Variants in SSBP3 observed in about 807,000 individuals in gnomAD.
The protein encoded by SSBP3 is single stranded DNA binding protein 3.
Under a neutral mutation model 69.6 loss-of-function variants are expected in SSBP3, and 5 were observed. The ratio of observed to expected loss-of-function variants is 0.07; its 90% CI spans 0.04 to 0.15. SSBP3 has a LOEUF of 0.15. Ranked by LOEUF, SSBP3 falls within the 10% of genes least tolerant of loss-of-function variation. The pLI is 1.00. For synonymous variants in SSBP3, 196 were observed against 193.4 expected (o/e 1.01, Z -0.11); for missense variants, 312 against 534.0 (o/e 0.58, Z 4.10).
intron 9 of SSBP3, among the ~76,000 whole-genome samples, chr1:54,248,434 C>T (rs1411655051): frequency 6.6e-6 from 1 of 152,226 alleles, no homozygotes; most frequent in Non-Finnish European, 1.5e-5. Context: ...CCATCACTTG[C>T]TGCCCGTTTT....
chr1:54,278,772 T>A (rs956172287), intron 5 of SSBP3, among the ~76,000 whole-genome samples: 43 of 152,250 alleles, frequency 2.8e-4, no homozygotes, highest in Non-Finnish European at 1.0e-4. Flanking sequence ...GCAGCAGAGC[T>A]TCCTACCCAG....
intron 4 of SSBP3, among the ~76,000 whole-genome samples, chr1:54,368,985 C>T (rs1647075319): frequency 6.6e-6 from 1 of 152,170 alleles, no homozygotes; most frequent in South Asian, 2.1e-4. Context: ...GGTGGGAAAC[C>T]CAGTGAGCAG....
intron 14 of SSBP3, among the ~76,000 whole-genome samples, chr1:54,234,653 A>G (rs960687530): frequency 6.6e-6 from 1 of 152,308 alleles, no homozygotes; most frequent in Admixed American, 6.5e-5. Flanking sequence ...AATAAAAAAT[A>G]ACAATGTTTC....
chr1:54,308,313 C>T (rs564754840), intron 4 of SSBP3, among the ~76,000 whole-genome samples: 6 of 152,074 alleles, frequency 3.9e-5, no homozygotes, highest in African/African-American at 7.2e-5. Context: ...AAAAATTAGC[C>T]GGGCGTGGCC....
chr1:54,366,447 T>C (rs1215023763), intron 4 of SSBP3, among the ~76,000 whole-genome samples: 2 of 152,220 alleles, frequency 1.3e-5, no homozygotes, highest in Non-Finnish European at 2.9e-5. Context: ...GATAAGCAAC[T>C]TACCCAAAGT....
intron 9 of SSBP3, among the ~76,000 whole-genome samples, chr1:54,244,821 C>T (rs1644705464): frequency 6.6e-6 from 1 of 152,156 alleles, no homozygotes; most frequent in Non-Finnish European, 1.5e-5. Context: ...CCTGACCCCA[C>T]CCCTTCGGGC....
chr1:54,293,130 C>A (rs1297089107), intron 4 of SSBP3, among the ~76,000 whole-genome samples: 1 of 152,144 alleles, frequency 6.6e-6, no homozygotes, highest in Non-Finnish European at 1.5e-5. Flanking sequence ...AGCTAAAGGG[C>A]AAGGCGGGGC....
chr1:54,406,816 C>T (rs1649811196), upstream of SSBP3, among the ~76,000 whole-genome samples: 1 of 151,720 alleles, frequency 6.6e-6, no homozygotes, highest in Admixed American at 6.5e-5. Flanking sequence ...CCCTCCCGCC[C>T]CGTCCCTCTC....
chr1:54,329,443 G>A (rs1397115396), intron 4 of SSBP3, among the ~76,000 whole-genome samples: 1 of 152,204 alleles, frequency 6.6e-6, no homozygotes, highest in Non-Finnish European at 1.5e-5. Flanking sequence ...TACTGCATGT[G>A]ACAGTCCCAG....
At chr1:54,273,266 C>G (rs2100830639) in intron 5 of SSBP3, among the ~76,000 whole-genome samples, 1 of 152,360 alleles carries the variant, frequency 6.6e-6, no homozygotes, top group South Asian at 2.1e-4. Context: ...TCACGTTTTT[C>G]AGAGGGGGAG....
At chr1:54,281,204 C>A (rs997644871) in intron 5 of SSBP3, among the ~76,000 whole-genome samples, 4 of 152,208 alleles carry the variant, frequency 2.6e-5, no homozygotes, top group African/African-American at 9.7e-5. Flanking sequence ...AAAGCAAACT[C>A]CAGCAGAAGT....
At chr1:54,249,432 C>T (rs574700259) in intron 9 of SSBP3, among the ~76,000 whole-genome samples, 6 of 152,292 alleles carry the variant, frequency 3.9e-5, no homozygotes, top group South Asian at 2.1e-4. Context: ...CGGTGGCTCA[C>T]GCCTATAATC....
chr1:54,228,567 C>A lies in SSBP3; in HGVS notation c.1007-90G>T, dbSNP rs553659274. ...TCCTGGGCTCCTCGGGCCTCTAAGC[C>A]CTTCCATCCCAGTCCCACACTGTGC... On this transcript the variant is annotated intron_variant, in intron 15 of 17. Coordinates refer to ENST00000610401, the Ensembl canonical transcript of SSBP3. 1.7e-5 allele frequency: 27 copies of A among 1,570,582 alleles called. 1 individual carries two copies. In the South Asian group the frequency reaches 3.0e-4, roughly 17 times the overall value.
intron 4 of SSBP3, among the ~76,000 whole-genome samples, chr1:54,313,405 G>C (rs908188729): frequency 5.3e-5 from 8 of 151,184 alleles, no homozygotes; most frequent in African/African-American, 1.9e-4. Context: ...CAGGAACTAG[G>C]GGGGCTCACA....
At chr1:54,343,451 G>C (rs528680466) in intron 4 of SSBP3, among the ~76,000 whole-genome samples, 2 of 152,140 alleles carry the variant, frequency 1.3e-5, no homozygotes, top group Non-Finnish European at 2.9e-5. Flanking sequence ...CAAACCACAC[G>C]GTGACTATCA....
chr1:54,311,989 C>T (rs868172665), intron 4 of SSBP3, among the ~76,000 whole-genome samples: 21 of 152,274 alleles, frequency 1.4e-4, no homozygotes, highest in Middle Eastern at 3.4e-3. Context: ...CAGCATCCAC[C>T]GGCTGATTTG....
chr1:54,349,068 T>C (rs1351018390), intron 4 of SSBP3, among the ~76,000 whole-genome samples: 2 of 152,208 alleles, frequency 1.3e-5, no homozygotes, highest in African/African-American at 2.4e-5. Flanking sequence ...TCTGCAAAGA[T>C]AAGATGACAA....
chr1:54,386,568 C>G (rs1390004620), intron 4 of SSBP3, among the ~76,000 whole-genome samples: 1 of 152,122 alleles, frequency 6.6e-6, no homozygotes, highest in Middle Eastern at 3.4e-3. Context: ...AACGACACAG[C>G]ATCCGCCAGA....
intron 4 of SSBP3, among the ~76,000 whole-genome samples, chr1:54,355,942 T>C (rs563581301): frequency 6.6e-6 from 1 of 152,310 alleles, no homozygotes; most frequent in African/African-American, 2.4e-5. Flanking sequence ...GCTCGTGCCA[T>C]CAACACTGTT....
Sources: gnomAD v4.1 joint callset for allele counts (sites outside exome capture counted in the v4.1 genomes callset) on GRCh38, gnomAD v4.1.1 for gene constraint, MANE v1.5 for transcripts, NCBI Gene and HGNC (gene_info 2026-07-23, HGNC 2026-07-21) for gene names.